THADA: variants seen among roughly 807,000 people sequenced by gnomAD.
THADA encodes THADA armadillo repeat containing, also known as tRNA (32-2'-O)-methyltransferase regulator THADA.
A neutral mutation model predicts 219.8 loss-of-function variants in THADA; 213 were observed. The ratio of observed to expected loss-of-function variants is 0.97; its 90% CI spans 0.87 to 1.09. The LOEUF (loss-of-function observed/expected upper bound fraction) is 1.09. Among genes scored for constraint, THADA ranks in the 50% least tolerant of loss-of-function variants. The pLI, the probability that THADA is intolerant of heterozygous loss-of-function variation, is 0.00. For missense variants in THADA, 2,956 were observed against 2,311.3 expected, an observed-to-expected ratio of 1.28 and a Z score of -5.72; for synonymous variants, 1,018 against 828.9, an observed-to-expected ratio of 1.23 and a Z score of -3.92.
chr2:43,261,046 G>A (rs375269614), intron 36 of THADA, among the ~76,000 whole-genome samples: 10 of 151,946 alleles, frequency 6.6e-5, no homozygotes, highest in African/African-American at 1.9e-4. Context: ...TATTTTACCC[G>A]ATATGTAAAG....
intron 26 of THADA, among the ~76,000 whole-genome samples, chr2:43,461,214 AC>A (rs1436206912): frequency 1.3e-5 from 2 of 152,172 alleles, no homozygotes; most frequent in Non-Finnish European, 2.9e-5. Context: ...GAAAAGTTTC[AC>A]CTAAGTCTAC....
chr2:43,518,384 A>G (rs935336100), intron 22 of THADA, among the ~76,000 whole-genome samples: 17 of 152,196 alleles, frequency 1.1e-4, no homozygotes, highest in Non-Finnish European at 1.9e-4. Flanking sequence ...TGTAACACGT[A>G]CAAACACATT....
chr2:43,244,647 T>G lies in THADA; in HGVS notation c.5297-11765A>C, dbSNP rs560340449. Among the ~76,000 whole-genome samples, 6 of 152,356 alleles carry G rather than the reference T, an allele frequency of 3.9e-5. No homozygotes were observed. The East Asian group carries it at 1.2e-3, about 29-fold the overall frequency. ...AAGCAGTGGGCCCTGTCCAGCCATT[T>G]TGGCCTGCATTTGGCATTCTTGCAT... On this transcript the variant is annotated intron_variant, in intron 36 of 37. Coordinates refer to ENST00000405975, the MANE Select transcript of THADA (RefSeq NM_022065.5).
chr2:43,577,506 C>A (rs1006293976), intron 9 of THADA, among the ~76,000 whole-genome samples: 1 of 145,486 alleles, frequency 6.9e-6, no homozygotes, highest in Non-Finnish European at 1.5e-5. Context: ...AGCTTAACAA[C>A]TGCTTTTTTT....
At chr2:43,395,624 T>C (rs1463072707) in intron 29 of THADA, among the ~76,000 whole-genome samples, 1 of 152,352 alleles carries the variant, frequency 6.6e-6, no homozygotes, top group East Asian at 1.9e-4. Flanking sequence ...GTTTCCTCTT[T>C]TACTCTCATT....
intron 29 of THADA, among the ~76,000 whole-genome samples, chr2:43,385,578 G>A (rs1672564317): frequency 7.4e-6 from 1 of 135,190 alleles, no homozygotes; most frequent in African/African-American, 2.9e-5. Flanking sequence ...CTGCACTCCA[G>A]CCTGGGCAAC....
chr2:43,535,422 T>C (rs1034033858), intron 21 of THADA, among the ~76,000 whole-genome samples: 1 of 151,708 alleles, frequency 6.6e-6, no homozygotes, highest in South Asian at 2.1e-4. Flanking sequence ...CTCACGCCTG[T>C]AATCCTAGCA....
At chr2:43,495,988 T>A (rs897926913) in intron 25 of THADA, among the ~76,000 whole-genome samples, 1 of 152,206 alleles carries the variant, frequency 6.6e-6, no homozygotes, top group Non-Finnish European at 1.5e-5. Flanking sequence ...AGGCAAGAGT[T>A]GGCAACCTCA....
intron 22 of THADA, among the ~76,000 whole-genome samples, chr2:43,509,020 T>C (rs931205551): frequency 6.6e-6 from 1 of 152,164 alleles, no homozygotes; most frequent in African/African-American, 2.4e-5. Flanking sequence ...AAAATAAATT[T>C]TGATACATGG....
intron 31 of THADA, among the ~76,000 whole-genome samples, chr2:43,295,704 T>C (rs1397320598): frequency 6.7e-6 from 1 of 149,722 alleles, no homozygotes; most frequent in Non-Finnish European, 1.5e-5. Context: ...ACATAATGCA[T>C]ATGTAAAACA....
intron 8 of THADA, among the ~76,000 whole-genome samples, chr2:43,580,691 A>G (rs1044052500): frequency 1.3e-5 from 2 of 151,898 alleles, no homozygotes; most frequent in Non-Finnish European, 2.9e-5. Flanking sequence ...CCTGGCCAAC[A>G]TGGTGAAAGC....
At chr2:43,513,950 C>T (rs1041115587) in intron 22 of THADA, among the ~76,000 whole-genome samples, 1 of 151,228 alleles carries the variant, frequency 6.6e-6, no homozygotes, top group Non-Finnish European at 1.5e-5. Flanking sequence ...GTCTCAGCAA[C>T]TCAGGAGGCT....
chr2:43,248,892 G>A (rs560987093), intron 36 of THADA, among the ~76,000 whole-genome samples: 35 of 152,242 alleles, frequency 2.3e-4, no homozygotes, highest in African/African-American at 7.2e-4. Context: ...ACTCTGAGGC[G>A]CCCTCCTCTG....
intron 29 of THADA, among the ~76,000 whole-genome samples, chr2:43,365,258 A>G (rs1669995691): frequency 6.6e-6 from 1 of 151,952 alleles, no homozygotes; most frequent in Admixed American, 6.6e-5. Context: ...TTCTCCCTAT[A>G]TAGAGTACAG....
intron 23 of THADA, 113 bp downstream of exon 23, chr2:43,508,535 A>T: frequency 9.5e-7 from 1 of 1,058,080 alleles, no homozygotes; most frequent in Non-Finnish European, 1.3e-6. Context: ...GGTGCTGAAA[A>T]GACAGAAATG....
intron 31 of THADA, among the ~76,000 whole-genome samples, chr2:43,312,553 T>A (rs958201725): frequency 2.6e-5 from 4 of 152,164 alleles, no homozygotes; most frequent in Non-Finnish European, 5.9e-5. Flanking sequence ...AGCAATCTAA[T>A]AACATACCCT....
chr2:43,367,796 C>T (rs1670335854), intron 29 of THADA, among the ~76,000 whole-genome samples: 1 of 152,142 alleles, frequency 6.6e-6, no homozygotes. Flanking sequence ...AGCCCACAGA[C>T]CAAAATCCTA....
At chr2:43,552,156 A>T in intron 18 of THADA, 48 bp downstream of exon 18, 1 of 1,576,100 alleles carries the variant, frequency 6.3e-7, no homozygotes, top group South Asian at 1.2e-5. Context: ...GTTAAAGCTC[A>T]GAAATGAATG....
chr2:43,473,885 G>A (rs7557608), intron 26 of THADA, among the ~76,000 whole-genome samples: 4,223 of 152,118 alleles, frequency 0.028, 119 homozygotes, highest in African/African-American at 0.077. Context: ...CAGGGATTAC[G>A]GGTGTGAGCC....
Sources: allele counts gnomAD v4.1 joint callset (sites outside exome capture counted in the v4.1 genomes callset), GRCh38; gene constraint gnomAD v4.1.1; transcripts MANE v1.5; gene names NCBI Gene and HGNC (gene_info 2026-07-23, HGNC 2026-07-21).